The following P2RY14 variants were observed in gnomAD, a reference collection of about 807,000 sequenced individuals.
P2RY14 encodes purinergic receptor P2Y14, also known as P2Y purinoceptor 14.
P2RY14 carries 2 observed loss-of-function variants against 0.9 expected under a neutral mutation model. The ratio of observed to expected loss-of-function variants is 2.16; its 90% confidence interval spans 0.88 to 6.79. The LOEUF (loss-of-function observed/expected upper bound fraction) is 6.79. P2RY14 is among the 30% of genes most tolerant of loss of function. P2RY14 has a pLI of 0.05. For missense variants in P2RY14, 378 were observed against 400.1 expected, an observed-to-expected ratio of 0.94 and a Z score of 0.47; for synonymous variants, 158 against 147.2, an observed-to-expected ratio of 1.07 and a Z score of -0.53.
intron 1 of P2RY14, among the ~76,000 whole-genome samples, chr3:151,266,253 A>G (rs1036629358): frequency 5.9e-5 from 9 of 152,224 alleles, no homozygotes; most frequent in African/African-American, 1.9e-4. Context: ...TTTCCAAGGT[A>G]TTCAACATCT....
At chr3:151,257,720 T>G (rs1296897333) in intron 1 of P2RY14, among the ~76,000 whole-genome samples, 1 of 152,224 alleles carries the variant, frequency 6.6e-6, no homozygotes, top group Non-Finnish European at 1.5e-5. Flanking sequence ...AAAACATGCT[T>G]TTGAAATTCA....
chr3:151,253,155 A>G (rs1349771806), intron 1 of P2RY14, among the ~76,000 whole-genome samples: 2 of 152,240 alleles, frequency 1.3e-5, no homozygotes, highest in African/African-American at 2.4e-5. Context: ...ATCTGGGGTC[A>G]TGACAGGCAC....
At chr3:151,256,936 T>A (rs1737933579) in intron 1 of P2RY14, among the ~76,000 whole-genome samples, 1 of 151,516 alleles carries the variant, frequency 6.6e-6, no homozygotes, top group African/African-American at 2.4e-5. Flanking sequence ...ATTTGCCAAA[T>A]CAAATATCAC....
intron 1 of P2RY14, among the ~76,000 whole-genome samples, chr3:151,228,536 G>A (rs1331299863): frequency 6.6e-6 from 1 of 152,184 alleles, no homozygotes; most frequent in Non-Finnish European, 1.5e-5. Context: ...TAGACCCTTT[G>A]CAGAGTGCTC....
intron 1 of P2RY14, among the ~76,000 whole-genome samples, chr3:151,271,944 C>G (rs1741028557): frequency 6.6e-6 from 1 of 152,122 alleles, no homozygotes; most frequent in African/African-American, 2.4e-5. Context: ...GGTGTCAAAC[C>G]TCAATGAACT....
At chr3:151,276,379 A>C (rs1406920035) in intron 1 of P2RY14, among the ~76,000 whole-genome samples, 1 of 152,220 alleles carries the variant, frequency 6.6e-6, no homozygotes, top group Non-Finnish European at 1.5e-5. Context: ...CAATTAAAGG[A>C]AACACTCCTT....
chr3:151,236,503 C>G (rs190482438), intron 1 of P2RY14, among the ~76,000 whole-genome samples: 23 of 152,306 alleles, frequency 1.5e-4, no homozygotes, highest in Admixed American at 5.2e-4. Context: ...GTAACCAAAA[C>G]GAAAGCCAAG....
chr3:151,248,060 G>T (rs1178771632), intron 1 of P2RY14, among the ~76,000 whole-genome samples: 2 of 125,926 alleles, frequency 1.6e-5, no homozygotes, highest in South Asian at 2.7e-4. Context: ...CTAGATTTTT[G>T]GAAATTACTA....
At chr3:151,233,643 G>A (rs1732153600) in intron 1 of P2RY14, among the ~76,000 whole-genome samples, 1 of 152,216 alleles carries the variant, frequency 6.6e-6, no homozygotes, top group Non-Finnish European at 1.5e-5. Context: ...TGAGGCAGGA[G>A]AATCACTTGA....
At chr3:151,269,537 A>C (rs1038280119) in intron 1 of P2RY14, 16 of 303,050 alleles carry the variant, frequency 5.3e-5, no homozygotes, top group Non-Finnish European at 9.0e-5. Flanking sequence ...AAGAGGTCAA[A>C]ATTGATTGCC....
intron 1 of P2RY14, among the ~76,000 whole-genome samples, chr3:151,222,018 C>T (rs1415061262): frequency 1.3e-5 from 2 of 152,204 alleles, no homozygotes; most frequent in South Asian, 4.1e-4. Flanking sequence ...TCTTGCATTG[C>T]GTGACCTGGG....
At chr3:151,276,694 GTTC>G (rs777525658) in intron 1 of P2RY14, among the ~76,000 whole-genome samples, 6 of 152,288 alleles carry the variant, frequency 3.9e-5, no homozygotes, top group African/African-American at 1.2e-4. Flanking sequence ...AGGGAGCCGT[GTTC>G]TTCTTCTGTT....
At chr3:151,271,127 G>T (rs1740866998) in intron 1 of P2RY14, among the ~76,000 whole-genome samples, 1 of 151,834 alleles carries the variant, frequency 6.6e-6, no homozygotes, top group Non-Finnish European at 1.5e-5. Context: ...AAGTATCTCT[G>T]TTAAAGGCTC....
At chr3:151,269,064 A>G (rs1376144003) in intron 1 of P2RY14, among the ~76,000 whole-genome samples, 2 of 152,114 alleles carry the variant, frequency 1.3e-5, no homozygotes, top group African/African-American at 4.8e-5. Context: ...GGCTTGCTGA[A>G]GAAGGGAGAA....
At chr3:151,227,535 C>A (rs757046990) in intron 1 of P2RY14, among the ~76,000 whole-genome samples, 1 of 152,216 alleles carries the variant, frequency 6.6e-6, no homozygotes, top group Non-Finnish European at 1.5e-5. Flanking sequence ...GACTGCAAGT[C>A]TAGCATATTG....
At chr3:151,235,569 C>G (rs1183866483) in intron 1 of P2RY14, among the ~76,000 whole-genome samples, 1 of 152,008 alleles carries the variant, frequency 6.6e-6, no homozygotes, top group Non-Finnish European at 1.5e-5. Flanking sequence ...CTGGGCGTGC[C>G]TGTAATCCCA....
intron 2 of P2RY14, among the ~76,000 whole-genome samples, chr3:151,215,291 A>C (rs985772934): frequency 6.6e-6 from 1 of 152,234 alleles, no homozygotes; most frequent in African/African-American, 2.4e-5. Flanking sequence ...AGCACTTGAA[A>C]TATGGCCAGT....
chr3:151,245,887 A>G (rs1392876164), intron 1 of P2RY14, among the ~76,000 whole-genome samples: 11 of 151,726 alleles, frequency 7.2e-5, no homozygotes, highest in Non-Finnish European at 1.2e-4. Flanking sequence ...TTTCAGCCCA[A>G]AATCTCCTTA....
chr3:151,237,434 C>T (rs1191247128), intron 1 of P2RY14, among the ~76,000 whole-genome samples: 10 of 146,898 alleles, frequency 6.8e-5, no homozygotes, highest in Non-Finnish European at 1.2e-4. Context: ...ACTGCAACCT[C>T]CACCTCCTGG....
Sources: allele counts gnomAD v4.1 joint callset (sites outside exome capture counted in the v4.1 genomes callset), GRCh38; gene constraint gnomAD v4.1.1; transcripts MANE v1.5; gene names NCBI Gene and HGNC (gene_info 2026-07-23, HGNC 2026-07-21).